The following PTPRD variants were observed in gnomAD, a reference collection of about 807,000 sequenced individuals.
PTPRD encodes the protein receptor-type tyrosine-protein phosphatase delta.
PTPRD carries 34 observed loss-of-function variants against 214.5 expected under a neutral mutation model. The ratio of observed to expected loss-of-function variants is 0.16; its 90% CI spans 0.12 to 0.21. The LOEUF (loss-of-function observed/expected upper bound fraction) is 0.21, where lower values mean the gene tolerates loss of function less well. Ranked by LOEUF, PTPRD falls within the 10% of genes least tolerant of loss-of-function variation. The pLI is 1.00. For synonymous variants in PTPRD, 1,128 were observed against 845.7 expected (o/e 1.33, Z -5.79); for missense variants, 2,545 against 2,398.7 (o/e 1.06, Z -1.27).
chr9:9,018,763 T>C (rs967494510), intron 10 of PTPRD, 28 bp from the exon 11 acceptor site: 1 of 152,190 alleles, frequency 6.6e-6, no homozygotes, highest in African/African-American at 2.4e-5. Context: ...GTGACAACAA[T>C]TAAAATGTGA....
At chr9:10,554,144 G>A (rs2061956206) in intron 2 of PTPRD, among the ~76,000 whole-genome samples, 1 of 152,130 alleles carries the variant, frequency 6.6e-6, no homozygotes, top group Non-Finnish European at 1.5e-5. Flanking sequence ...AGACCTTTTA[G>A]TGTATAACTC....
intron 2 of PTPRD, among the ~76,000 whole-genome samples, chr9:10,559,859 A>G (rs537319091): frequency 6.6e-6 from 1 of 152,120 alleles, no homozygotes; most frequent in Non-Finnish European, 1.5e-5. Flanking sequence ...CCACAATGAG[A>G]TATCATCTCA....
intron 37 of PTPRD, among the ~76,000 whole-genome samples, chr9:8,387,829 A>G (rs1343830574): frequency 6.6e-6 from 1 of 152,230 alleles, no homozygotes; most frequent in Non-Finnish European, 1.5e-5. Flanking sequence ...GTTAGACATT[A>G]TTATAGTTAT....
At chr9:10,454,814 C>T (rs1272244190) in intron 2 of PTPRD, among the ~76,000 whole-genome samples, 1 of 151,522 alleles carries the variant, frequency 6.6e-6, no homozygotes, top group East Asian at 2.0e-4. Flanking sequence ...AATGTTTACA[C>T]ACACACACAC....
At chr9:10,348,453 G>A (rs1322786055) in intron 2 of PTPRD, among the ~76,000 whole-genome samples, 3 of 152,102 alleles carry the variant, frequency 2.0e-5, no homozygotes, top group Non-Finnish European at 4.4e-5. Flanking sequence ...GTAAAACACT[G>A]CCCCTTACGT....
At chr9:10,140,802 A>G (rs1486979769) in intron 3 of PTPRD, among the ~76,000 whole-genome samples, 1 of 150,764 alleles carries the variant, frequency 6.6e-6, no homozygotes, top group South Asian at 2.1e-4. Context: ...ACCAAAAAAG[A>G]GAATTTTAGA....
At chr9:9,384,465 G>T (rs1314587991) in intron 9 of PTPRD, among the ~76,000 whole-genome samples, 1 of 141,958 alleles carries the variant, frequency 7.0e-6, no homozygotes, top group African/African-American at 2.6e-5. Flanking sequence ...TAATCACCTG[G>T]TATGTTGAGG....
intron 5 of PTPRD, among the ~76,000 whole-genome samples, chr9:9,858,887 C>G (rs958964396): frequency 6.6e-6 from 1 of 152,088 alleles, no homozygotes; most frequent in African/African-American, 2.4e-5. Flanking sequence ...GATATGGAAA[C>G]TGGAACTCAG....
chr9:10,565,479 C>G (rs1357507536), intron 2 of PTPRD, among the ~76,000 whole-genome samples: 2 of 151,986 alleles, frequency 1.3e-5, no homozygotes, highest in South Asian at 2.1e-4. Context: ...AGTTTATGAT[C>G]TGGTAAAGGA....
At chr9:10,368,074 T>C (rs368565129) in intron 2 of PTPRD, among the ~76,000 whole-genome samples, 73 of 152,250 alleles carry the variant, frequency 4.8e-4, no homozygotes, top group African/African-American at 9.6e-4. Flanking sequence ...TTTTCAACCA[T>C]AGACAAGCAT....
At chr9:8,388,581 C>A (rs1055694173) in intron 37 of PTPRD, among the ~76,000 whole-genome samples, 4 of 152,124 alleles carry the variant, frequency 2.6e-5, no homozygotes, top group African/African-American at 4.8e-5. Flanking sequence ...AACTAATGTG[C>A]CATGCACCAT....
At chr9:9,082,619 T>C (rs892936320) in intron 10 of PTPRD, among the ~76,000 whole-genome samples, 1 of 152,162 alleles carries the variant, frequency 6.6e-6, no homozygotes, top group African/African-American at 2.4e-5. Flanking sequence ...TTGTCTTTCT[T>C]TGCGGATGAC....
rs533257083 is a variant in PTPRD, at chr9:9,317,778, C to T, written c.-203+79671G>A. Among the ~76,000 whole-genome samples the T allele has an allele frequency of 4.6e-5, 7 of 152,166 alleles. No homozygotes were observed. The East Asian group carries it at 1.4e-3, about 29-fold the overall frequency. On this transcript the variant is annotated intron_variant, in intron 9 of 45. Transcript: ENST00000381196. ...TGGATCACCACAGATATAAAATGGA[C>T]CTGATCAAAATTCATGATATTAATA...
intron 9 of PTPRD, among the ~76,000 whole-genome samples, chr9:9,380,628 C>A (rs1041269485): frequency 6.6e-6 from 1 of 152,098 alleles, no homozygotes; most frequent in Non-Finnish European, 1.5e-5. Context: ...GTAAATGTTC[C>A]ATGTGAGTTT....
At chr9:10,355,456 G>C (rs934077545) in intron 2 of PTPRD, among the ~76,000 whole-genome samples, 4 of 151,094 alleles carry the variant, frequency 2.6e-5, no homozygotes, top group Non-Finnish European at 4.4e-5. Context: ...CGACACTTTA[G>C]AAAATACTGC....
At chr9:9,367,902 C>G (rs1596466069) in intron 9 of PTPRD, among the ~76,000 whole-genome samples, 1 of 151,810 alleles carries the variant, frequency 6.6e-6, no homozygotes, top group East Asian at 1.9e-4. Flanking sequence ...CTCTTCCAAA[C>G]CCTGTCATAA....
chr9:9,458,276 T>A (rs984537615), intron 8 of PTPRD, among the ~76,000 whole-genome samples: 1 of 152,070 alleles, frequency 6.6e-6, no homozygotes, highest in African/African-American at 2.4e-5. Flanking sequence ...ATATTTCACT[T>A]CATATGTTCA....
intron 2 of PTPRD, among the ~76,000 whole-genome samples, chr9:10,540,347 G>C (rs2058824064): frequency 6.6e-6 from 1 of 152,104 alleles, no homozygotes; most frequent in African/African-American, 2.4e-5. Context: ...TTTTAAATTG[G>C]TGTTCTGTGT....
intron 11 of PTPRD, among the ~76,000 whole-genome samples, chr9:8,781,840 A>T (rs1431731783): frequency 1.3e-5 from 2 of 152,150 alleles, no homozygotes. Flanking sequence ...AACTTATCAC[A>T]TTGTGAAAGG....
Sources: allele counts gnomAD v4.1 joint callset (sites outside exome capture counted in the v4.1 genomes callset), GRCh38; gene constraint gnomAD v4.1.1; transcripts MANE v1.5; gene names NCBI Gene and HGNC (gene_info 2026-07-23, HGNC 2026-07-21).